The following CNNM3 variants were observed in gnomAD, a reference collection of about 807,000 sequenced individuals.
CNNM3 encodes metal transporter CNNM3.
In CNNM3, 47 loss-of-function variants were observed where a neutral mutation model predicts 57.1. The observed-to-expected ratio is 0.82, with a 90% CI of 0.65 to 1.05. CNNM3 has a LOEUF of 1.05. CNNM3 is among the 50% of genes least tolerant of loss of function. The probability of loss-of-function intolerance (pLI) is 0.00; values close to 1 mark genes in which losing one functional copy is unlikely to be tolerated. For missense variants in CNNM3, 957 were observed against 973.7 expected, an observed-to-expected ratio of 0.98 and a Z score of 0.23; for synonymous variants, 507 against 478.2, an observed-to-expected ratio of 1.06 and a Z score of -0.79.
At position 96,816,507 on chromosome 2, in the gene CNNM3, C is replaced by T. The variant is rs1449974249; in HGVS notation, c.230C>T (p.Ser77Phe). ...CCGGGCTTCGCCAACAGCTCTTGGT[C>T]CTGGGTGGCCCCGGAGGGGGCGGGC... is the stretch of plus-strand genomic sequence containing the variant. ...FGPGFANSSW[S>F]WVAPEGAGCR... The change falls in exon 1 of 8, where the codon TCC (serine) becomes TTC (phenylalanine). Residue 77 changes from serine (S) to phenylalanine (F), a missense_variant. Ser to Phe is a radical substitution (Grantham distance 155). Around this residue, in one of 2 missense-constraint regions of CNNM3, gnomAD observed 466 missense variants for 403.1 expected, o/e 1.16. Transcript: ENST00000305510. The T allele has an allele frequency of 2.1e-6, 3 of 1,415,756 alleles. No homozygotes were observed. The highest frequency in any genetic ancestry group is 1.8e-6 in the Non-Finnish European group (2 of 1,083,114). 87.7% of individuals were successfully genotyped at this position (1,415,756 alleles called of 1,614,324 possible). A position where few individuals can be genotyped will look rare whatever the true frequency, so the allele number is the denominator to read the frequency against.
At chr2:96,827,652 A>C in intron 3 of CNNM3, 79 bp from the exon 4 acceptor site, 1 of 1,448,778 alleles carries the variant, frequency 6.9e-7, no homozygotes, top group Non-Finnish European at 9.5e-7. Flanking sequence ...AATAACTTTA[A>C]ATTGCCTACA....
chr2:96,828,031 C>G, intron 4 of CNNM3, 68 bp from the exon 5 acceptor site: 1 of 1,574,284 alleles, frequency 6.4e-7, no homozygotes, highest in Non-Finnish European at 8.7e-7. Context: ...TGGGTTTCTC[C>G]TTCCGCTGTC....
At position 96,817,059 on chromosome 2, in the gene CNNM3, T is replaced by A; in HGVS notation, c.782T>A (p.Leu261Gln). Reference protein sequence around the residue: ...LAPRALGLSRLAVLLTLPVAL... With the variant: ...LAPRALGLSRQAVLLTLPVAL... ...CCGCGAGCGCTCGGCCTCAGCCGCCTGGCCGTCCTGCTCACTCTGCCCGTC... is the reference window on the plus strand; with the variant it reads ...CCGCGAGCGCTCGGCCTCAGCCGCCAGGCCGTCCTGCTCACTCTGCCCGTC... The change falls in exon 1 of 8, where the codon CTG becomes CAG. Residue 261 changes from leucine (L) to glutamine (Q), a missense_variant. Transcript: ENST00000305510. 23 of 1,369,814 alleles carry A rather than the reference T, an allele frequency of 1.7e-5. No homozygotes were observed. Among genetic ancestry groups the A allele is most frequent in the Non-Finnish European group, 2.2e-5 (23 of 1,062,726 alleles). 84.9% of individuals were successfully genotyped at this position (1,369,814 alleles called of 1,614,324 possible). A position where few individuals can be genotyped will look rare whatever the true frequency, so the allele number is the denominator to read the frequency against.
chr2:96,827,670 G>C, intron 3 of CNNM3, 61 bp from the exon 4 acceptor site: 1 of 1,534,822 alleles, frequency 6.5e-7, no homozygotes, highest in Non-Finnish European at 8.9e-7. Flanking sequence ...ACAGTGTTGG[G>C]TGTGGTTCCA....
Position 96,816,490 on chromosome 2 carries a change from C to A in CNNM3, c.213C>A (p.Phe71Leu). 2 of 1,457,988 alleles carry A rather than the reference C, an allele frequency of 1.4e-6. No homozygotes were observed. The highest frequency in any genetic ancestry group is 1.8e-6 in the Non-Finnish European group (2 of 1,105,594). The allele number at this position is 1,457,988 out of a possible 1,614,324, so 90.3% of individuals were successfully genotyped here. A position where few individuals can be genotyped will look rare whatever the true frequency, so the allele number is the denominator to read the frequency against. The change falls in exon 1 of 8, where the codon TTC (phenylalanine) becomes TTA (leucine). Residue 71 changes from phenylalanine (F) to leucine (L), a missense_variant. Coordinates refer to ENST00000305510, the MANE Select transcript of CNNM3 (RefSeq NM_017623.5). ...TCCTGCGCCTCTTCGGCCCGGGCTTCGCCAACAGCTCTTGGTCCTGGGTGG... is the reference window on the plus strand; with the variant it reads ...TCCTGCGCCTCTTCGGCCCGGGCTTAGCCAACAGCTCTTGGTCCTGGGTGG... ...TFLLRLFGPG[F>L]ANSSWSWVAP...
chr2:96,829,207 C>A, intron 7 of CNNM3, 73 bp downstream of exon 7: 1 of 1,517,726 alleles, frequency 6.6e-7, no homozygotes, highest in Non-Finnish European at 8.9e-7. Flanking sequence ...CAGACTTGCA[C>A]TCTCGCCGCC....
At chr2:96,827,246 T>C (rs1004973380) in intron 3 of CNNM3, among the ~76,000 whole-genome samples, 2 of 150,060 alleles carry the variant, frequency 1.3e-5, no homozygotes, top group Non-Finnish European at 3.0e-5. Flanking sequence ...TGGGCGGATG[T>C]GGGGTGCCCT....
rs201472062 is a variant in CNNM3, at chr2:96,834,533, G to GAGAT, written c.*1920_*1923dup. ...CTAATACTTTTAATTTTTTTTTGTA[G>GAGAT]AGATAGGGTCTCATTATGTTGCCTG... On this transcript the variant is annotated 3_prime_UTR_variant, in exon 8 of 8. Transcript: ENST00000305510. Among the ~76,000 whole-genome samples the GAGAT allele has an allele frequency of 0.017, 2,505 of 151,588 alleles. 82 individuals are homozygous for GAGAT. The highest frequency in any genetic ancestry group is 0.057 in the African/African-American group (2,368 of 41,334).
chr2:96,820,949 A>G (rs2079395655), intron 1 of CNNM3, among the ~76,000 whole-genome samples: 1 of 152,208 alleles, frequency 6.6e-6, no homozygotes, highest in South Asian at 2.1e-4. Context: ...GGTGGCCTCC[A>G]GGCAGGTCAC....
chr2:96,833,383 C>T lies in CNNM3; in HGVS notation c.*767C>T, dbSNP rs1189144496. ...GAGGTCATGCCTGGGAGGAAGGGAT[C>T]GTCATGCTGCATCGAATCCTCTCTC... On this transcript the variant is annotated 3_prime_UTR_variant, in exon 8 of 8. Coordinates refer to ENST00000305510, the MANE Select transcript of CNNM3 (RefSeq NM_017623.5). 5 of 234,372 alleles carry T rather than the reference C, an allele frequency of 2.1e-5. No individual in the cohort carries two copies. In the East Asian group the frequency reaches 3.7e-4, roughly 17 times the overall value. 14.5% of individuals were successfully genotyped at this position (234,372 alleles called of 1,614,324 possible).
intron 7 of CNNM3, among the ~76,000 whole-genome samples, chr2:96,830,285 A>G (rs11682764): frequency 0.99 from 150,116 of 151,758 alleles, 74,258 homozygotes; most frequent in Middle Eastern, 1. Flanking sequence ...TGTTATCAGC[A>G]CTTCCTCTGC....
intron 1 of CNNM3, among the ~76,000 whole-genome samples, chr2:96,817,705 A>AGG (rs1354633171): frequency 6.6e-6 from 1 of 151,404 alleles, no homozygotes; most frequent in African/African-American, 2.4e-5. Context: ...TCAGAGTGGG[A>AGG]GGAATCCTTT....
At position 96,828,676 on chromosome 2, in the gene CNNM3, G is replaced by A. The variant is rs752534340; in HGVS notation, c.1896G>A (p.Ala632=). The change falls in exon 6 of 8, where the codon GCG becomes GCA. Residue 632 remains alanine, a synonymous_variant. Coordinates refer to ENST00000305510, the MANE Select transcript of CNNM3 (RefSeq NM_017623.5). The part of the protein sequence containing the change: ...SAYCPDYTVR[A]LSDLQLIKVT... The stretch of plus-strand genomic sequence containing the variant: ...ATTGTCCCGACTACACCGTGAGGGC[G>A]CTCTCTGATCTGCAGCTCATCAAGG... The A allele has an allele frequency of 5.0e-6, 8 of 1,614,152 alleles. No homozygotes were observed. Among genetic ancestry groups the A allele is most frequent in the East Asian group, 2.2e-5 (1 of 44,866 alleles).
At chr2:96,837,307 A>C (rs763850158), downstream of CNNM3, 1 of 152,216 alleles carries the variant, frequency 6.6e-6, no homozygotes, top group Non-Finnish European at 1.5e-5. Context: ...TGATATCTTT[A>C]CTGTATTCTG....
Position 96,834,333 on chromosome 2 carries a change from A to T in CNNM3, c.*1717A>T, listed in dbSNP as rs996151164. Among the ~76,000 whole-genome samples, 111 of 123,578 alleles carry T rather than the reference A, an allele frequency of 9.0e-4. No individual in the cohort carries two copies. Among genetic ancestry groups the T allele is most frequent in the Non-Finnish European group, 1.4e-3 (93 of 65,968 alleles). The allele number at this position is 123,578 out of a possible 152,430, so 81.1% of individuals were successfully genotyped here. On this transcript the variant is annotated 3_prime_UTR_variant, in exon 8 of 8. Transcript: ENST00000305510. Reference sequence around the variant, plus strand: ...AGAGTTTTCAATTTTTTATTTATTTATTATTATTATTATTATTATTATTAT... The same window carrying T: ...AGAGTTTTCAATTTTTTATTTATTTTTTATTATTATTATTATTATTATTAT...
chr2:96,829,215 GC>G (rs112517995), intron 7 of CNNM3, 81 bp downstream of exon 7: 22 of 1,477,888 alleles, frequency 1.5e-5, no homozygotes, highest in South Asian at 5.9e-5. Flanking sequence ...CACTCTCGCC[GC>G]CCCCCCACCC....
At chr2:96,828,891 C>T in intron 6 of CNNM3, 105 bp from the exon 7 acceptor site, 4 of 1,541,156 alleles carry the variant, frequency 2.6e-6, no homozygotes, top group Non-Finnish European at 2.7e-6. Flanking sequence ...CCTTAACTAG[C>T]TTAAAGTTGT....
intron 1 of CNNM3, among the ~76,000 whole-genome samples, chr2:96,821,802 A>G (rs1370102443): frequency 1.3e-4 from 20 of 152,154 alleles, no homozygotes; most frequent in Admixed American, 1.0e-3. Context: ...ACACAAAACT[A>G]TTTTAAAATA....
intron 1 of CNNM3, chr2:96,824,651 G>T (rs530465995): frequency 9.8e-4 from 195 of 199,410 alleles, no homozygotes; most frequent in African/African-American, 4.3e-3. Context: ...AGGAGAGCCT[G>T]TGTTTCCAGA....
Sources: allele counts gnomAD v4.1 joint callset (sites outside exome capture counted in the v4.1 genomes callset), GRCh38; gene constraint gnomAD v4.1.1; regional missense constraint gnomAD v4.1.1; transcripts MANE v1.5; gene names NCBI Gene and HGNC (gene_info 2026-07-23, HGNC 2026-07-21).